The following KCNT1 variants were observed in gnomAD, a reference collection of about 807,000 sequenced individuals.
KCNT1 encodes potassium sodium-activated channel subfamily T member 1, also known as potassium channel subfamily T member 1.
Under a neutral mutation model 147.8 loss-of-function variants are expected in KCNT1, and 78 were observed. That is an observed-to-expected ratio of 0.53 (90% CI 0.44 to 0.64). The LOEUF (loss-of-function observed/expected upper bound fraction) is 0.64. Ranked by LOEUF, KCNT1 falls within the 30% of genes least tolerant of loss-of-function variation. The pLI is 0.00. For missense variants in KCNT1, 1,419 were observed against 1,750.3 expected (o/e 0.81, Z 3.38); for synonymous variants, 867 against 748.8 (o/e 1.16, Z -2.58).
chr9:135,747,819 G>A (rs897425088), intron 2 of KCNT1, among the ~76,000 whole-genome samples: 5 of 152,192 alleles, frequency 3.3e-5, no homozygotes, highest in African/African-American at 1.2e-4. Flanking sequence ...CCCTGAGTAT[G>A]CCCGGTGGGG....
chr9:135,707,164 G>A (rs1164985339), intron 1 of KCNT1, among the ~76,000 whole-genome samples: 6 of 152,024 alleles, frequency 3.9e-5, no homozygotes, highest in African/African-American at 1.4e-4. Context: ...ATAAGGCCCG[G>A]TGCACCCCTG....
Position 135,771,076 on chromosome 9 carries a change from C to CA in KCNT1, c.1990dup (p.Ser664LysfsTer72). On this transcript the variant is annotated frameshift_variant, in exon 18 of 31. Coordinates refer to ENST00000371757, the MANE Select transcript of KCNT1 (RefSeq NM_020822.3). LOFTEE classifies it high-confidence loss of function. ...AGGGTCCGGCCCGCCTGCCCGTGCA[C>CA]AGCATCATCGCCTCCATGGGTGAGC... 1.9e-6 allele frequency: 3 copies of CA among 1,611,576 alleles called. No individual in the cohort carries two copies. Among genetic ancestry groups the CA allele is most frequent in the Non-Finnish European group, 2.5e-6 (3 of 1,179,082 alleles).
At chr9:135,767,418 TAGAC>T (rs35627184) in intron 13 of KCNT1, among the ~76,000 whole-genome samples, 25,724 of 152,026 alleles carry the variant, frequency 0.17, 2,409 homozygotes, top group African/African-American at 0.23. Flanking sequence ...GACAGTTTCT[TAGAC>T]AGCGTCTCAG....
In KCNT1 at chr9:135,794,348, G is replaced by C. The variant is rs750260139; in HGVS notation, c.*2187G>C. 1 of 152,402 alleles carries C rather than the reference G, an allele frequency of 6.6e-6. No individual in the cohort carries two copies. The highest frequency in any genetic ancestry group is 1.5e-5 in the Non-Finnish European group (1 of 68,176). 9.4% of individuals were successfully genotyped at this position (152,402 alleles called of 1,614,324 possible). On this transcript the variant is annotated 3_prime_UTR_variant, in exon 31 of 31. Coordinates refer to ENST00000371757, the MANE Select transcript of KCNT1 (RefSeq NM_020822.3). Reference sequence around the variant, plus strand: ...GCCCCCCAAAGAGGGCTGAAGGCTTGCTGCCCAAGAGGGGCTGGGTGAGCA... The same window carrying C: ...GCCCCCCAAAGAGGGCTGAAGGCTTCCTGCCCAAGAGGGGCTGGGTGAGCA...
intron 2 of KCNT1, among the ~76,000 whole-genome samples, chr9:135,723,183 G>C (rs957860389): frequency 2.0e-5 from 3 of 152,220 alleles, no homozygotes; most frequent in Non-Finnish European, 4.4e-5. Context: ...GCAGAGTGCA[G>C]GAAGCTGGGG....
chr9:135,762,204 A>G (rs1831961605), intron 11 of KCNT1, among the ~76,000 whole-genome samples: 1 of 152,218 alleles, frequency 6.6e-6, no homozygotes, highest in Non-Finnish European at 1.5e-5. Flanking sequence ...AGTACTTTGA[A>G]AGGCCAAGGC....
chr9:135,765,617 C>CCGG lies in KCNT1; in HGVS notation c.1201-5_1201-3dup. ...TCAGAGGGTCTGACCCTCCGCCTGG[C>CCGG]CGGCAGGACTATTACGTGGTCATCC... On this transcript the variant is annotated splice_polypyrimidine_tract_variant and splice_region_variant and intron_variant, in intron 12 of 30. Coordinates refer to ENST00000371757, the MANE Select transcript of KCNT1 (RefSeq NM_020822.3). The CCGG allele has an allele frequency of 6.2e-7, 1 of 1,603,432 alleles. No homozygotes were observed. Among genetic ancestry groups the CCGG allele is most frequent in the Non-Finnish European group, 8.5e-7 (1 of 1,173,650 alleles).
intron 2 of KCNT1, among the ~76,000 whole-genome samples, chr9:135,741,793 C>T (rs1032654360): frequency 6.6e-6 from 1 of 152,218 alleles, no homozygotes; most frequent in African/African-American, 2.4e-5. Context: ...CCTCTCTGAA[C>T]CTTTGTTTTC....
intron 1 of KCNT1, among the ~76,000 whole-genome samples, chr9:135,704,105 C>G (rs532788206): frequency 1.3e-5 from 2 of 152,350 alleles, no homozygotes; most frequent in African/African-American, 4.8e-5. Flanking sequence ...GAAGAACCTT[C>G]GTGCTGCCTG....
rs906691724 is a variant in KCNT1 at position 135,781,112 on chromosome 9, C to T, written c.2841+1642C>T. 9.8e-5 allele frequency among the ~76,000 whole-genome samples: 15 copies of T among 152,340 alleles called. No homozygotes were observed. The East Asian group carries it at 2.7e-3, about 27-fold the overall frequency. On this transcript the variant is annotated intron_variant, in intron 24 of 30. Transcript: ENST00000371757. ...CACCTCCACTGGGGCTCTGTGTTGC[C>T]GGGGCGGGTGCGGCCAGCTCTCCAT...
chr9:135,704,569 G>C (rs1835172046), intron 1 of KCNT1, among the ~76,000 whole-genome samples: 1 of 152,194 alleles, frequency 6.6e-6, no homozygotes, highest in Admixed American at 6.5e-5. Flanking sequence ...GACAGGGAGG[G>C]ACCAGTGGCC....
chr9:135,726,569 G>A (rs901190035), intron 2 of KCNT1, among the ~76,000 whole-genome samples: 8 of 151,962 alleles, frequency 5.3e-5, no homozygotes, highest in African/African-American at 4.8e-5. Context: ...TGCTACGGAC[G>A]GGGCCCCTTG....
chr9:135,746,024 G>T (rs1237002716), intron 2 of KCNT1, among the ~76,000 whole-genome samples: 1 of 152,248 alleles, frequency 6.6e-6, no homozygotes, highest in Non-Finnish European at 1.5e-5. Context: ...CTCCCCAGGT[G>T]CCGCTGCGTG....
chr9:135,725,891 C>A (rs758245419), intron 2 of KCNT1, among the ~76,000 whole-genome samples: 1 of 152,148 alleles, frequency 6.6e-6, no homozygotes, highest in Non-Finnish European at 1.5e-5. Context: ...CCCTCCCACC[C>A]GCCCTGGGAG....
intron 11 of KCNT1, among the ~76,000 whole-genome samples, chr9:135,762,401 C>T (rs765278831): frequency 1.2e-4 from 18 of 151,662 alleles, no homozygotes; most frequent in Admixed American, 6.6e-4. Flanking sequence ...GCTGTGATCT[C>T]GCCATCGCAC....
chr9:135,771,688 C>A (rs751973599), intron 18 of KCNT1, among the ~76,000 whole-genome samples: 1 of 152,228 alleles, frequency 6.6e-6, no homozygotes, highest in African/African-American at 2.4e-5. Flanking sequence ...TCCCGGGGAG[C>A]CGCTTACCAG....
At chr9:135,735,685 C>G (rs1830309689) in intron 2 of KCNT1, among the ~76,000 whole-genome samples, 1 of 152,126 alleles carries the variant, frequency 6.6e-6, no homozygotes, top group Non-Finnish European at 1.5e-5. Flanking sequence ...TCACTGGGCC[C>G]TGGCTGTTGG....
At chr9:135,748,179 C>A (rs1830947013) in intron 2 of KCNT1, among the ~76,000 whole-genome samples, 1 of 152,312 alleles carries the variant, frequency 6.6e-6, no homozygotes, top group African/African-American at 2.4e-5. Flanking sequence ...AGCGATCCTC[C>A]CACCTCTGCC....
chr9:135,744,955 C>G (rs1300892799), intron 2 of KCNT1, among the ~76,000 whole-genome samples: 1 of 152,198 alleles, frequency 6.6e-6, no homozygotes, highest in Non-Finnish European at 1.5e-5. Context: ...TGCAGACTGG[C>G]AGAGGTGAGA....
Sources: gnomAD v4.1 joint callset for allele counts (sites outside exome capture counted in the v4.1 genomes callset) on GRCh38, gnomAD v4.1.1 for gene constraint, MANE v1.5 for transcripts, NCBI Gene and HGNC (gene_info 2026-07-23, HGNC 2026-07-21) for gene names.